MARVELD1: variants seen among roughly 807,000 people sequenced by gnomAD.
MARVELD1 encodes MARVEL domain containing 1, also known as MARVEL domain-containing protein 1.
A neutral mutation model predicts 11.3 loss-of-function variants in MARVELD1; 7 were observed. The ratio of observed to expected loss-of-function variants is 0.62; its 90% CI spans 0.35 to 1.16. The LOEUF is 1.16. Among genes scored for constraint, MARVELD1 ranks in the 50% most tolerant of loss-of-function variants. The pLI, the probability that MARVELD1 is intolerant of heterozygous loss-of-function variation, is 0.02. For synonymous variants in MARVELD1, 119 were observed against 121.4 expected (o/e 0.98, Z 0.13); for missense variants, 216 against 243.8 (o/e 0.89, Z 0.76).
rs1465175679 is a variant in MARVELD1 at position 97,714,419 on chromosome 10, G to A, written c.*21G>A. The A allele has an allele frequency of 2.7e-6, 4 of 1,464,312 alleles. No homozygotes were observed. Among genetic ancestry groups the A allele is most frequent in the Non-Finnish European group, 3.6e-6 (4 of 1,111,782 alleles). The allele number at this position is 1,464,312 out of a possible 1,614,324, so 90.7% of individuals were successfully genotyped here. A position where few individuals can be genotyped will look rare whatever the true frequency, so the allele number is the denominator to read the frequency against. On this transcript the variant is annotated 3_prime_UTR_variant, in exon 1 of 2. Coordinates refer to ENST00000285605, the MANE Select transcript of MARVELD1 (RefSeq NM_031484.4). This position sits in a 1 kb window ranked among gnomAD's most constrained non-coding sequence, Gnocchi z 7.4. ...CGTGAGGCCGCCCGCGCCCGCCGCG[G>A]CCCCGATCGGGGCGGGGGAATCCCC...
At position 97,714,172 on chromosome 10, in the gene MARVELD1, T is replaced by C. The variant is rs764544608; in HGVS notation, c.296T>C (p.Val99Ala). The C allele has an allele frequency of 6.5e-7, 1 of 1,536,648 alleles. No homozygotes were observed. Among genetic ancestry groups the C allele is most frequent in the South Asian group, 1.2e-5 (1 of 84,034 alleles). ...GGCTCGCGCTGGCTCATGGTCAACGTGGCGCACGATGTGCTGGCGGCCGCG... is the reference window on the plus strand; with the variant it reads ...GGCTCGCGCTGGCTCATGGTCAACGCGGCGCACGATGTGCTGGCGGCCGCG... Reference protein sequence around the residue: ...VLGSRWLMVNVAHDVLAAALY... With the variant: ...VLGSRWLMVNAAHDVLAAALY... Residue 99 changes from valine to alanine, a missense_variant, in exon 1 of 2, where the codon GTG (valine) becomes GCG (alanine). Transcript: ENST00000285605. This position sits in a 1 kb window ranked among gnomAD's most constrained non-coding sequence, Gnocchi z 7.4.
intron 1 of MARVELD1, among the ~76,000 whole-genome samples, chr10:97,716,645 G>A (rs1336195368): frequency 1.3e-5 from 2 of 152,194 alleles, no homozygotes; most frequent in Non-Finnish European, 2.9e-5. Flanking sequence ...AAGCATGAAT[G>A]TAGTTCTAGA....
rs2041894040 is a variant in MARVELD1 at position 97,714,181 on chromosome 10, AT to A, written c.306del (p.Asp102GlufsTer15). 1 of 1,536,558 alleles carries A rather than the reference AT, an allele frequency of 6.5e-7. No individual in the cohort carries two copies. The highest frequency in any genetic ancestry group is 1.4e-5 in the African/African-American group (1 of 72,998). Reference sequence around the variant, plus strand: ...TGGCTCATGGTCAACGTGGCGCACGATGTGCTGGCGGCCGCGCTCTACGGCG... The same window carrying A: ...TGGCTCATGGTCAACGTGGCGCACGAGTGCTGGCGGCCGCGCTCTACGGCG... ...SRWLMVNVAH[D>X]VLAAALYGAA... On this transcript the variant is annotated frameshift_variant, in exon 1 of 2. Coordinates refer to ENST00000285605, the MANE Select transcript of MARVELD1 (RefSeq NM_031484.4). LOFTEE classifies it high-confidence loss of function. The surrounding 1 kb of genome is among the most constrained non-coding windows in gnomAD (Gnocchi z 7.4).
At position 97,715,543 on chromosome 10, in the gene MARVELD1, T is replaced by C. The variant is rs2041906209; in HGVS notation, c.*1145T>C. 6.6e-6 allele frequency: 1 copy of C among 152,260 alleles called. No individual in the cohort carries two copies. The highest frequency in any genetic ancestry group is 2.4e-5 in the African/African-American group (1 of 41,462). The allele number at this position is 152,260 out of a possible 1,614,324, so 9.4% of individuals were successfully genotyped here. A position where few individuals can be genotyped will look rare whatever the true frequency, so the allele number is the denominator to read the frequency against. On this transcript the variant is annotated 3_prime_UTR_variant, in exon 1 of 2. Coordinates refer to ENST00000285605, the MANE Select transcript of MARVELD1 (RefSeq NM_031484.4). ...TATCAAAGACTGAGAAGTCCCGCTG[T>C]TACAGAAATAATTTAGTTTGCTGTA...
chr10:97,716,186 T>C (rs757436611), intron 1 of MARVELD1, among the ~76,000 whole-genome samples: 3 of 152,158 alleles, frequency 2.0e-5, no homozygotes, highest in Non-Finnish European at 4.4e-5. Flanking sequence ...ATTTTTTCTT[T>C]CTCTTTTGTT....
chr10:97,714,542 G>A lies in MARVELD1; in HGVS notation c.*144G>A. 6.7e-6 allele frequency: 4 copies of A among 598,854 alleles called. No individual in the cohort carries two copies. The South Asian group carries it at 1.1e-4, about 16-fold the overall frequency. The allele number at this position is 598,854 out of a possible 1,614,324, so 37.1% of individuals were successfully genotyped here. A position where few individuals can be genotyped will look rare whatever the true frequency, so the allele number is the denominator to read the frequency against. ...CTCCAGCGTTTCCACTGTCGCCCGCGCCCGGGAACCCTGACGCTCAGCTCC... is the reference window on the plus strand; with the variant it reads ...CTCCAGCGTTTCCACTGTCGCCCGCACCCGGGAACCCTGACGCTCAGCTCC... On this transcript the variant is annotated 3_prime_UTR_variant, in exon 1 of 2. Transcript: ENST00000285605. The surrounding 1 kb of genome is among the most constrained non-coding windows in gnomAD (Gnocchi z 7.4).
chr10:97,714,410 C>T lies in MARVELD1; in HGVS notation c.*12C>T. 6.8e-7 allele frequency: 1 copy of T among 1,479,966 alleles called. No individual in the cohort carries two copies. Among genetic ancestry groups the T allele is most frequent in the Non-Finnish European group, 8.9e-7 (1 of 1,122,882 alleles). 91.7% of individuals were successfully genotyped at this position (1,479,966 alleles called of 1,614,324 possible). ...AGGAGGTGGCGTGAGGCCGCCCGCG[C>T]CCGCCGCGGCCCCGATCGGGGCGGG... On this transcript the variant is annotated 3_prime_UTR_variant, in exon 1 of 2. Transcript: ENST00000285605. This position sits in a 1 kb window ranked among gnomAD's most constrained non-coding sequence, Gnocchi z 7.4.
chr10:97,713,908 C>T lies in MARVELD1; in HGVS notation c.32C>T (p.Pro11Leu). 1 of 1,176,128 alleles carries T rather than the reference C, an allele frequency of 8.5e-7. No homozygotes were observed. The allele number at this position is 1,176,128 out of a possible 1,614,324, so 72.9% of individuals were successfully genotyped here. ...CCGCCGCCCCCGCGCCAGCCGCCGC[C>T]CCAGGCGCGTGCGGCCCGCGGCGCG... MLPPPPRQPP[P>L]QARAARGAVR... is the part of the protein sequence containing the mutation. Residue 11 changes from proline (P) to leucine (L), a missense_variant, in exon 1 of 2, where the codon CCC (proline) becomes CTC (leucine). Coordinates refer to ENST00000285605, the MANE Select transcript of MARVELD1 (RefSeq NM_031484.4). The surrounding 1 kb of genome is among the most constrained non-coding windows in gnomAD (Gnocchi z 5.7).
chr10:97,714,702 G>A lies in MARVELD1; in HGVS notation c.*304G>A, dbSNP rs2041898680. 2.7e-6 allele frequency: 1 copy of A among 368,692 alleles called. No individual in the cohort carries two copies. The highest frequency in any genetic ancestry group is 5.6e-5 in the South Asian group (1 of 17,784). 22.8% of individuals were successfully genotyped at this position (368,692 alleles called of 1,614,324 possible). On this transcript the variant is annotated 3_prime_UTR_variant, in exon 1 of 2. Transcript: ENST00000285605. The surrounding 1 kb of genome is among the most constrained non-coding windows in gnomAD (Gnocchi z 7.4). ...CACACACTCGCAGACGAGCCGCCCC[G>A]AGGCGAAACCTCGCGGTTCCTCTTC...
At position 97,715,071 on chromosome 10, in the gene MARVELD1, G is replaced by A. The variant is rs1355172266; in HGVS notation, c.*673G>A. Reference sequence around the variant, plus strand: ...AGGTGGGGACCGATAGGAGAAGCCGGTGGGTTGTACCCTTACACTTGTGGA... The same window carrying A: ...AGGTGGGGACCGATAGGAGAAGCCGATGGGTTGTACCCTTACACTTGTGGA... On this transcript the variant is annotated 3_prime_UTR_variant, in exon 1 of 2. Coordinates refer to ENST00000285605, the MANE Select transcript of MARVELD1 (RefSeq NM_031484.4). The A allele has an allele frequency of 2.0e-5, 3 of 152,520 alleles. No homozygotes were observed. Among genetic ancestry groups the A allele is most frequent in the Admixed American group, 6.5e-5 (1 of 15,292 alleles). The allele number at this position is 152,520 out of a possible 1,614,324, so 9.4% of individuals were successfully genotyped here.
In MARVELD1 at chr10:97,715,318, C is replaced by T. The variant is rs1196933084; in HGVS notation, c.*920C>T. The T allele has an allele frequency of 6.6e-6, 1 of 152,156 alleles. No individual in the cohort carries two copies. The highest frequency in any genetic ancestry group is 2.4e-5 in the African/African-American group (1 of 41,424). The allele number at this position is 152,156 out of a possible 1,614,324, so 9.4% of individuals were successfully genotyped here. ...TTAAGGTGAACCCCACCCCTTCTTA[C>T]AGATGGGGACCCAGAGCCTGCTCTT... On this transcript the variant is annotated 3_prime_UTR_variant, in exon 1 of 2. Coordinates refer to ENST00000285605, the MANE Select transcript of MARVELD1 (RefSeq NM_031484.4).
rs560969498 is a variant in MARVELD1 at position 97,717,826 on chromosome 10, C to T, written c.*2220C>T. On this transcript the variant is annotated 3_prime_UTR_variant, in exon 2 of 2. Transcript: ENST00000285605. ...AAGAACACGTAAGACCGCCACCACA[C>T]TCACCCTCCCTCAAGGCCCTGTGCC... The T allele has an allele frequency of 1.3e-5, 2 of 152,450 alleles. No homozygotes were observed. Among genetic ancestry groups the T allele is most frequent in the East Asian group, 3.9e-4 (2 of 5,168 alleles). The allele number at this position is 152,450 out of a possible 1,614,324, so 9.4% of individuals were successfully genotyped here. A position where few individuals can be genotyped will look rare whatever the true frequency, so the allele number is the denominator to read the frequency against.
chr10:97,714,527 T>A lies in MARVELD1; in HGVS notation c.*129T>A, dbSNP rs896991596. The stretch of plus-strand genomic sequence containing the variant: ...CACCCTCTCCCTGCCCTCCAGCGTT[T>A]CCACTGTCGCCCGCGCCCGGGAACC... On this transcript the variant is annotated 3_prime_UTR_variant, in exon 1 of 2. Transcript: ENST00000285605. The surrounding 1 kb of genome is among the most constrained non-coding windows in gnomAD (Gnocchi z 7.4). 1 of 661,516 alleles carries A rather than the reference T, an allele frequency of 1.5e-6. No individual in the cohort carries two copies. Among genetic ancestry groups the A allele is most frequent in the Non-Finnish European group, 2.3e-6 (1 of 427,260 alleles). The allele number at this position is 661,516 out of a possible 1,614,324, so 41.0% of individuals were successfully genotyped here.
chr10:97,714,463 T>G lies in MARVELD1; in HGVS notation c.*65T>G. ...AATCCCCGGAGACCAGCCTCCTTAA[T>G]CCCTTCCCCCGCCGCCGCCCCGCGC... is the stretch of plus-strand genomic sequence containing the variant. On this transcript the variant is annotated 3_prime_UTR_variant, in exon 1 of 2. Transcript: ENST00000285605. This position sits in a 1 kb window ranked among gnomAD's most constrained non-coding sequence, Gnocchi z 7.4. The G allele has an allele frequency of 8.1e-7, 1 of 1,228,298 alleles. No individual in the cohort carries two copies. Among genetic ancestry groups the G allele is most frequent in the Non-Finnish European group, 1.1e-6 (1 of 919,768 alleles). The allele number at this position is 1,228,298 out of a possible 1,614,324, so 76.1% of individuals were successfully genotyped here.
rs1179975818 is a variant in MARVELD1 at position 97,715,773 on chromosome 10, C to G, written c.*1375C>G. Reference sequence around the variant, plus strand: ...CCAGTGAGGAAGTAGATTGCTGCCTCTAGCCAGAGACCTGAACTGGGGAAT... The same window carrying G: ...CCAGTGAGGAAGTAGATTGCTGCCTGTAGCCAGAGACCTGAACTGGGGAAT... On this transcript the variant is annotated 3_prime_UTR_variant, in exon 1 of 2. Coordinates refer to ENST00000285605, the MANE Select transcript of MARVELD1 (RefSeq NM_031484.4). 1 of 152,258 alleles carries G rather than the reference C, an allele frequency of 6.6e-6. No homozygotes were observed. Among genetic ancestry groups the G allele is most frequent in the Non-Finnish European group, 1.5e-5 (1 of 68,048 alleles). The allele number at this position is 152,258 out of a possible 1,614,324, so 9.4% of individuals were successfully genotyped here. A position where few individuals can be genotyped will look rare whatever the true frequency, so the allele number is the denominator to read the frequency against.
chr10:97,714,600 C>A lies in MARVELD1; in HGVS notation c.*202C>A. On this transcript the variant is annotated 3_prime_UTR_variant, in exon 1 of 2. Transcript: ENST00000285605. The surrounding 1 kb of genome is among the most constrained non-coding windows in gnomAD (Gnocchi z 7.4). ...CGGCAGCGCCGCCGCCGCCCAGAAT[C>A]CCAGCCCAGAATCCCGACCGCCGCG... The A allele has an allele frequency of 2.0e-6, 1 of 490,662 alleles. No homozygotes were observed. Among genetic ancestry groups the A allele is most frequent in the Non-Finnish European group, 3.5e-6 (1 of 283,534 alleles). The allele number at this position is 490,662 out of a possible 1,614,324, so 30.4% of individuals were successfully genotyped here.
Position 97,715,894 on chromosome 10 carries a change from C to G in MARVELD1, c.*1496C>G, listed in dbSNP as rs890735898. 6.6e-6 allele frequency: 1 copy of G among 152,242 alleles called. No individual in the cohort carries two copies. Among genetic ancestry groups the G allele is most frequent in the African/African-American group, 2.4e-5 (1 of 41,450 alleles). 9.4% of individuals were successfully genotyped at this position (152,242 alleles called of 1,614,324 possible). A position where few individuals can be genotyped will look rare whatever the true frequency, so the allele number is the denominator to read the frequency against. ...AAGTCACCTGCAAGAGATCCCGGCA[C>G]TGATCTGGAGCAGCTGACAGGGTGG... On this transcript the variant is annotated 3_prime_UTR_variant, in exon 1 of 2. Transcript: ENST00000285605.
rs1564787516 is a variant in MARVELD1, at chr10:97,714,035, G to A, written c.159G>A (p.Lys53=). The part of the protein sequence containing the change: ...AAFWITIATS[K]YQGPVHFALF... ...TCTGGATCACTATCGCCACCAGCAA[G>A]TACCAGGGCCCCGTGCACTTCGCGC... Residue 53 remains lysine, a synonymous_variant, in exon 1 of 2, where the codon AAG becomes AAA. Coordinates refer to ENST00000285605, the MANE Select transcript of MARVELD1 (RefSeq NM_031484.4). This position sits in a 1 kb window ranked among gnomAD's most constrained non-coding sequence, Gnocchi z 7.4. The A allele has an allele frequency of 6.5e-7, 1 of 1,536,744 alleles. No homozygotes were observed. The highest frequency in any genetic ancestry group is 2.0e-5 in the Admixed American group (1 of 50,976).
Position 97,713,882 on chromosome 10 carries a change from CCCG to C in MARVELD1, c.12_14del (p.Pro6del). 1 of 856,536 alleles carries C rather than the reference CCCG, an allele frequency of 1.2e-6. No homozygotes were observed. Among genetic ancestry groups the C allele is most frequent in the Non-Finnish European group, 1.4e-6 (1 of 709,794 alleles). The allele number at this position is 856,536 out of a possible 1,614,324, so 53.1% of individuals were successfully genotyped here. On this transcript the variant is annotated inframe_deletion, in exon 1 of 2. Coordinates refer to ENST00000285605, the MANE Select transcript of MARVELD1 (RefSeq NM_031484.4). The surrounding 1 kb of genome is among the most constrained non-coding windows in gnomAD (Gnocchi z 5.7). ...CGCCACCGCGCCCAGGGGCCATGCTCCCGCCGCCCCCGCGCCAGCCGCCGCCCC... is the reference window on the plus strand; with the variant it reads ...CGCCACCGCGCCCAGGGGCCATGCTCCCGCCCCCGCGCCAGCCGCCGCCCC...
Sources: allele counts gnomAD v4.1 joint callset (sites outside exome capture counted in the v4.1 genomes callset), GRCh38; gene constraint gnomAD v4.1.1; non-coding constraint Gnocchi (gnomAD v3.1); transcripts MANE v1.5; gene names NCBI Gene and HGNC (gene_info 2026-07-23, HGNC 2026-07-21).